ADAM8: variants seen among roughly 807,000 people sequenced by gnomAD.
ADAM8 encodes ADAM metallopeptidase domain 8, also known as disintegrin and metalloproteinase domain-containing protein 8.
In ADAM8, 104 loss-of-function variants were observed where a neutral mutation model predicts 102.4. The ratio of observed to expected loss-of-function variants is 1.02; its 90% CI spans 0.87 to 1.20. The LOEUF (loss-of-function observed/expected upper bound fraction) is 1.20. Among genes scored for constraint, ADAM8 ranks in the 50% most tolerant of loss-of-function variants. The pLI is 0.00. For synonymous variants in ADAM8, 517 were observed against 485.2 expected (o/e 1.07, Z -0.86); for missense variants, 1,132 against 1,159.0 (o/e 0.98, Z 0.34).
rs1846202218 is a variant in ADAM8 at position 133,262,816 on chromosome 10, G to C, written c.*340C>G. ...AGGCCCCAGAGCAGGGGCAGGTGTG[G>C]CTGGGAGGGGCTGTATATGTGGCCT... On this transcript the variant is annotated 3_prime_UTR_variant, in exon 23 of 23. Coordinates refer to ENST00000445355, the MANE Select transcript of ADAM8 (RefSeq NM_001109.5). 3.3e-6 allele frequency: 1 copy of C among 301,792 alleles called. No homozygotes were observed. Among genetic ancestry groups the C allele is most frequent in the Non-Finnish European group, 6.3e-6 (1 of 158,488 alleles). The allele number at this position is 301,792 out of a possible 1,614,324, so 18.7% of individuals were successfully genotyped here.
At position 133,267,435 on chromosome 10, in the gene ADAM8, G is replaced by A. The variant is rs751199492; in HGVS notation, c.2254-18C>T. On this transcript the variant is annotated intron_variant, in intron 20 of 22. Transcript: ENST00000445355. ...ACCGGAGGCTGGAGGAGACAGGGCC[G>A]AGAGCCTGGGTCAGAGCTGGGACCC... The A allele has an allele frequency of 1.0e-5, 16 of 1,600,010 alleles. No homozygotes were observed. Among genetic ancestry groups the A allele is most frequent in the Admixed American group, 5.2e-5 (3 of 57,424 alleles).
chr10:133,265,711 T>C (rs1309446909), intron 21 of ADAM8, among the ~76,000 whole-genome samples: 3 of 151,080 alleles, frequency 2.0e-5, no homozygotes, highest in African/African-American at 7.3e-5. Flanking sequence ...GGCAGGAGAA[T>C]GGCATGAACC....
rs1246606259 is a variant in ADAM8, at chr10:133,262,940, T to C, written c.*216A>G. On this transcript the variant is annotated 3_prime_UTR_variant, in exon 23 of 23. Transcript: ENST00000445355. Reference sequence around the variant, plus strand: ...TCCCAGCCTGGTGCCTGCAGACAGCTGGGGCTACACGTGGCCAAGGCGGGG... The same window carrying C: ...TCCCAGCCTGGTGCCTGCAGACAGCCGGGGCTACACGTGGCCAAGGCGGGG... 5.9e-6 allele frequency: 4 copies of C among 676,470 alleles called. No homozygotes were observed. The African/African-American group carries it at 7.1e-5, about 12-fold the overall frequency. 41.9% of individuals were successfully genotyped at this position (676,470 alleles called of 1,614,324 possible).
Position 133,269,438 on chromosome 10 carries a change from G to C in ADAM8, c.1948+7C>G, listed in dbSNP as rs778784479. The C allele has an allele frequency of 1.7e-5, 27 of 1,580,034 alleles. No homozygotes were observed. Among genetic ancestry groups the C allele is most frequent in the South Asian group, 2.3e-5 (2 of 87,328 alleles). Reference sequence around the variant, plus strand: ...CAGCCCCACCTGCGCTGGCCAGGGAGGCCTACCTGCGTGCACCTCAGTCAG... The same window carrying C: ...CAGCCCCACCTGCGCTGGCCAGGGACGCCTACCTGCGTGCACCTCAGTCAG... On this transcript the variant is annotated splice_region_variant and intron_variant, in intron 18 of 22. Transcript: ENST00000445355.
intron 6 of ADAM8, 46 bp from the exon 7 acceptor site, chr10:133,273,065 G>A (rs780297673): frequency 6.2e-6 from 10 of 1,610,644 alleles, no homozygotes; most frequent in African/African-American, 2.7e-5. Flanking sequence ...CAGCGCCGGG[G>A]CCTGGACCCT....
intron 1 of ADAM8, 21 bp downstream of exon 1, chr10:133,276,751 C>G (rs1432183361): frequency 6.5e-7 from 1 of 1,533,120 alleles, no homozygotes; most frequent in East Asian, 2.5e-5. Context: ...GCGCCCGGGA[C>G]GGTTCCCTGG....
At chr10:133,266,198 C>T (rs1045340670) in intron 21 of ADAM8, among the ~76,000 whole-genome samples, 2 of 152,000 alleles carry the variant, frequency 1.3e-5, no homozygotes, top group Non-Finnish European at 2.9e-5. Flanking sequence ...TGAGGAAAGG[C>T]AGAGGGGCCG....
rs112995498 is a variant in ADAM8 at position 133,275,348 on chromosome 10, C to G, written c.150+136G>C. ...GCTGGAGGGAGGAACGGAGATGGGC[C>G]CCAGGGGGCTAGAGCTGTACAGGGC... On this transcript the variant is annotated intron_variant, in intron 2 of 22. Coordinates refer to ENST00000445355, the MANE Select transcript of ADAM8 (RefSeq NM_001109.5). 1.7e-3 allele frequency: 1,115 copies of G among 637,978 alleles called. 8 individuals carry two copies. In the African/African-American group the frequency reaches 0.019, roughly 11 times the overall value. The allele number at this position is 637,978 out of a possible 1,614,324, so 39.5% of individuals were successfully genotyped here.
Position 133,271,809 on chromosome 10 carries a change from A to G in ADAM8, c.1103T>C (p.Ile368Thr), listed in dbSNP as rs758897050. 22 of 1,597,064 alleles carry G rather than the reference A, an allele frequency of 1.4e-5. No individual in the cohort carries two copies. Among genetic ancestry groups the G allele is most frequent in the East Asian group, 2.3e-5 (1 of 44,014 alleles). ...EAGRCIMAGS[I>T]GSSFPRMFSD... is the part of the protein sequence containing the mutation. ...CTGCAGGGCCTGGCCGCCTCACCCA[A>G]TGCTGCCCGCCATGATGCAGCGGCC... is the stretch of plus-strand genomic sequence containing the variant. The change falls in exon 11 of 23, where the codon ATT becomes ACT. Residue 368 changes from isoleucine (I) to threonine (T), a missense_variant. Coordinates refer to ENST00000445355, the MANE Select transcript of ADAM8 (RefSeq NM_001109.5).
At position 133,273,385 on chromosome 10, in the gene ADAM8, C is replaced by T. The variant is rs374057944; in HGVS notation, c.442G>A (p.Glu148Lys). The change falls in exon 6 of 23, where the codon GAG becomes AAG. Residue 148 changes from glutamate (E) to lysine (K), a missense_variant. By Grantham distance (56) the Glu-to-Lys change is moderately conservative. Transcript: ENST00000445355. ...HLIEPLDEGG[E>K]GGRHAVYQAE... The stretch of plus-strand genomic sequence containing the variant: ...TGGTACACGGCGTGCCGTCCGCCCT[C>T]GCCACCTTCATCCAGGGGCTCGATC... The T allele has an allele frequency of 3.2e-6, 5 of 1,550,986 alleles. No homozygotes were observed. Among genetic ancestry groups the T allele is most frequent in the Admixed American group, 1.9e-5 (1 of 51,296 alleles).
intron 21 of ADAM8, among the ~76,000 whole-genome samples, chr10:133,266,264 C>A (rs577611643): frequency 2.6e-4 from 39 of 152,110 alleles, no homozygotes; most frequent in Non-Finnish European, 4.4e-4. Context: ...AGGGAGCAGG[C>A]GGTACTGACT....
At chr10:133,263,642 C>CACTGTCAGCCCCGTGGG (rs59673054) in intron 22 of ADAM8, 46 bp downstream of exon 22, 56 of 1,481,780 alleles carry the variant, frequency 3.8e-5, no homozygotes, top group Non-Finnish European at 4.7e-5. Context: ...GAGGCCGTGC[C>CACTGTCAGCCCCGTGGG]GTCCATTGCA....
At chr10:133,264,249 C>T (rs948552856) in intron 21 of ADAM8, among the ~76,000 whole-genome samples, 2 of 151,426 alleles carry the variant, frequency 1.3e-5, no homozygotes, top group Admixed American at 1.3e-4. Flanking sequence ...TTTGTAGAGA[C>T]GGGGTCTCCC....
At position 133,271,883 on chromosome 10, in the gene ADAM8, G is replaced by C; in HGVS notation, c.1029C>G (p.Asp343Glu). 6.2e-7 allele frequency: 1 copy of C among 1,612,750 alleles called. No individual in the cohort carries two copies. The highest frequency in any genetic ancestry group is 1.1e-5 in the South Asian group (1 of 91,084). The part of the protein sequence containing the change: ...AHEMGHNLGM[D>E]HDENVQGCRC... ...GGCAGCCCTGGACGTTCTCATCATG[G>C]TCCATGCCCAGGTTGTGGCCCATCT... The change falls in exon 11 of 23, where the codon GAC (aspartate) becomes GAG (glutamate). Residue 343 changes from aspartate (D) to glutamate (E), a missense_variant. Transcript: ENST00000445355.
intron 21 of ADAM8, among the ~76,000 whole-genome samples, chr10:133,265,744 G>A (rs1488721727): frequency 1.3e-5 from 2 of 151,964 alleles, no homozygotes; most frequent in African/African-American, 4.8e-5. Context: ...ATTGCAGTGA[G>A]CTGAGATCGC....
At chr10:133,264,903 T>A in intron 21 of ADAM8, among the ~76,000 whole-genome samples, 1 of 101,628 alleles carries the variant, frequency 9.8e-6, no homozygotes, top group African/African-American at 4.0e-5. Flanking sequence ...TCTACCTCCA[T>A]GCCCAGCTCC....
chr10:133,267,275 C>A, intron 21 of ADAM8, 77 bp downstream of exon 21: 1 of 1,470,744 alleles, frequency 6.8e-7, no homozygotes, highest in Non-Finnish European at 9.3e-7. Context: ...GCCCCCGGTG[C>A]AGTGCACAGA....
At chr10:133,263,657 G>A in intron 22 of ADAM8, 31 bp downstream of exon 22, 2 of 1,529,750 alleles carry the variant, frequency 1.3e-6, no homozygotes, top group Non-Finnish European at 1.8e-6. Flanking sequence ...ATTGCACAGT[G>A]GACTCTGCCT....
chr10:133,263,643 G>GTCAGCCCCGTGGGGAGGCCGTGCC, intron 22 of ADAM8, 45 bp downstream of exon 22: 1 of 244,276 alleles, frequency 4.1e-6, no homozygotes, highest in Non-Finnish European at 6.2e-6. Context: ...AGGCCGTGCC[G>GTCAGCCCCGTGGGGAGGCCGTGCC]TCCATTGCAC....
Sources: allele counts gnomAD v4.1 joint callset (sites outside exome capture counted in the v4.1 genomes callset), GRCh38; gene constraint gnomAD v4.1.1; transcripts MANE v1.5; gene names NCBI Gene and HGNC (gene_info 2026-07-23, HGNC 2026-07-21).